ADAP2: variants seen among roughly 807,000 people sequenced by gnomAD.
ADAP2 encodes the protein arf-GAP with dual PH domain-containing protein 2.
ADAP2 carries 42 observed loss-of-function variants against 54.9 expected under a neutral mutation model. The observed-to-expected ratio is 0.77, with a 90% confidence interval of 0.60 to 0.99. The LOEUF (loss-of-function observed/expected upper bound fraction) is 0.99. Ranked by LOEUF, ADAP2 falls within the 50% of genes least tolerant of loss-of-function variation. The pLI, the probability that ADAP2 is intolerant of heterozygous loss-of-function variation, is 0.00. For synonymous variants in ADAP2, 177 were observed against 180.1 expected, an observed-to-expected ratio of 0.98 and a Z score of 0.14; for missense variants, 429 against 480.4, an observed-to-expected ratio of 0.89 and a Z score of 1.00.
At chr17:30,937,137 G>A (rs932225486) in intron 5 of ADAP2, among the ~76,000 whole-genome samples, 1 of 151,812 alleles carries the variant, frequency 6.6e-6, no homozygotes, top group Non-Finnish European at 1.5e-5. Context: ...TCTTGGCCAG[G>A]CTGGTCTTGA....
At chr17:30,935,844 G>A (rs770649919) in intron 5 of ADAP2, among the ~76,000 whole-genome samples, 3 of 152,134 alleles carry the variant, frequency 2.0e-5, no homozygotes, top group Non-Finnish European at 4.4e-5. Context: ...AAGTGTGGAG[G>A]GAGATGAAGT....
intron 5 of ADAP2, among the ~76,000 whole-genome samples, chr17:30,943,469 G>A (rs1912419491): frequency 6.6e-6 from 1 of 152,132 alleles, no homozygotes; most frequent in Admixed American, 6.6e-5. Flanking sequence ...GCAAAAACAT[G>A]GAATCGGCCC....
At chr17:30,950,507 T>C (rs1904550924) in intron 7 of ADAP2, among the ~76,000 whole-genome samples, 3 of 152,210 alleles carry the variant, frequency 2.0e-5, no homozygotes, top group African/African-American at 7.2e-5. Context: ...CCCTTCCGCC[T>C]CTGAGATTCT....
intron 4 of ADAP2, among the ~76,000 whole-genome samples, chr17:30,932,860 GC>G (rs1911598524): frequency 6.6e-6 from 1 of 152,078 alleles, no homozygotes; most frequent in Admixed American, 6.6e-5. Flanking sequence ...GAGCCACCGC[GC>G]CCAGCATCAA....
rs1346871648 is a variant in ADAP2, at chr17:30,956,294, A to G, written c.936A>G (p.Glu312=). The change falls in exon 10 of 11, where the codon GAA becomes GAG. Residue 312 remains glutamate, a synonymous_variant. Transcript: ENST00000330889. ...TTGGGAACAAGGAGCAGGGATATGA[A>G]GCCTACGAAGACCTGCCCAAGGGCA... ...VFLGNKEQGY[E]AYEDLPKGIR... The G allele has an allele frequency of 1.2e-6, 2 of 1,614,088 alleles. No homozygotes were observed. Among genetic ancestry groups the G allele is most frequent in the Admixed American group, 3.3e-5 (2 of 60,006 alleles).
intron 2 of ADAP2, among the ~76,000 whole-genome samples, chr17:30,923,693 CTTT>C (rs1013811428): frequency 1.1e-5 from 1 of 92,406 alleles, no homozygotes; most frequent in Non-Finnish European, 2.0e-5. Flanking sequence ...TTCTTTCTTC[CTTT>C]TTTTTTTTTT....
At chr17:30,940,764 ACT>A (rs777287557) in intron 5 of ADAP2, among the ~76,000 whole-genome samples, 7 of 151,990 alleles carry the variant, frequency 4.6e-5, no homozygotes, top group Non-Finnish European at 7.4e-5. Flanking sequence ...GGGGAGAAGG[ACT>A]CTCTGGTGAA....
intron 4 of ADAP2, 77 bp downstream of exon 4, chr17:30,932,045 G>A: frequency 7.2e-7 from 1 of 1,383,678 alleles, no homozygotes; most frequent in Non-Finnish European, 1.0e-6. Context: ...AATATTAGGA[G>A]CAAGATCCAT....
chr17:30,922,268 C>G (rs1035009190), intron 1 of ADAP2, among the ~76,000 whole-genome samples, 160 bp downstream of exon 1: 1 of 151,010 alleles, frequency 6.6e-6, no homozygotes, highest in African/African-American at 2.4e-5. Context: ...GAACCTCTCA[C>G]CCGAGCCCCG....
chr17:30,926,884 G>A lies in ADAP2; in HGVS notation c.283G>A (p.Ala95Thr). The change falls in exon 3 of 11, where the codon GCT (alanine) becomes ACT (threonine). Residue 95 changes from alanine (A) to threonine (T), a missense_variant. Coordinates refer to ENST00000330889, the MANE Select transcript of ADAP2 (RefSeq NM_018404.3). ...GGCCAAGTTCGAAGCCAGAGTCCCAGCTTTCTACTACATCCCCCAGGCCAA... is the reference window on the plus strand; with the variant it reads ...GGCCAAGTTCGAAGCCAGAGTCCCAACTTTCTACTACATCCCCCAGGCCAA... ...VKAKFEARVP[A>T]FYYIPQANDC... 6.2e-7 allele frequency: 1 copy of A among 1,614,204 alleles called. No homozygotes were observed. The highest frequency in any genetic ancestry group is 8.5e-7 in the Non-Finnish European group (1 of 1,180,040).
chr17:30,926,708 G>A, intron 2 of ADAP2, 119 bp from the exon 3 acceptor site: 1 of 829,944 alleles, frequency 1.2e-6, no homozygotes, highest in African/African-American at 1.7e-5. Flanking sequence ...ACCAAGCCCG[G>A]TGGGACATCT....
chr17:30,947,182 C>T (rs1159109645), intron 6 of ADAP2, among the ~76,000 whole-genome samples: 1 of 152,132 alleles, frequency 6.6e-6, no homozygotes, highest in Non-Finnish European at 1.5e-5. Flanking sequence ...GGGGCTGTGG[C>T]AAACAGGAAA....
intron 3 of ADAP2, among the ~76,000 whole-genome samples, chr17:30,927,154 C>T (rs1167411894): frequency 1.3e-5 from 2 of 152,116 alleles, no homozygotes; most frequent in African/African-American, 4.8e-5. Flanking sequence ...TCAGTTTCCA[C>T]AGCTCTTAAA....
In ADAP2 at chr17:30,954,539, A is replaced by G. The variant is rs766577829; in HGVS notation, c.866A>G (p.Tyr289Cys). Reference sequence around the variant, plus strand: ...GATTGCCATGAGCGGAGGCTGCTCTATTACAAGAACCCACTGGTAAGAGCC... The same window carrying G: ...GATTGCCATGAGCGGAGGCTGCTCTGTTACAAGAACCCACTGGTAAGAGCC... The part of the protein sequence containing the change: ...ALDCHERRLL[Y>C]YKNPLDAFEQ... Residue 289 changes from tyrosine (Y) to cysteine (C), a missense_variant, in exon 9 of 11, where the codon TAT becomes TGT. Coordinates refer to ENST00000330889, the MANE Select transcript of ADAP2 (RefSeq NM_018404.3). 3 of 1,614,090 alleles carry G rather than the reference A, an allele frequency of 1.9e-6. No homozygotes were observed. The highest frequency in any genetic ancestry group is 4.5e-5 in the East Asian group (2 of 44,878).
At chr17:30,956,581 T>C in intron 10 of ADAP2, 112 bp downstream of exon 10, 1 of 994,950 alleles carries the variant, frequency 1.0e-6, no homozygotes, top group South Asian at 1.6e-5. Flanking sequence ...TTCCTGACTA[T>C]GCTCTTTTCA....
At chr17:30,929,452 G>T (rs959488575) in intron 3 of ADAP2, among the ~76,000 whole-genome samples, 4 of 152,138 alleles carry the variant, frequency 2.6e-5, no homozygotes, top group African/African-American at 9.7e-5. Context: ...GCTGTGCTAG[G>T]CTTCCTGCCG....
At chr17:30,953,470 C>A in intron 8 of ADAP2, 120 bp downstream of exon 8, 1 of 1,013,804 alleles carries the variant, frequency 9.9e-7, no homozygotes, top group Non-Finnish European at 1.5e-6. Flanking sequence ...TTGTCCAACC[C>A]ACAGCCCATG....
chr17:30,928,024 GA>G (rs151220505), intron 3 of ADAP2, among the ~76,000 whole-genome samples: 138 of 138,568 alleles, frequency 1.0e-3, no homozygotes, highest in African/African-American at 1.3e-3. Context: ...CCTAGCATTA[GA>G]AAAAAAAAAA....
Position 30,958,722 on chromosome 17 carries a change from T to A in ADAP2, c.*853T>A, listed in dbSNP as rs1033447201. ...CTGGGCAACATAGTGAGACCCCATCTCTACAAAGAAAAAAAAATTAGCTGG... is the reference window on the plus strand; with the variant it reads ...CTGGGCAACATAGTGAGACCCCATCACTACAAAGAAAAAAAAATTAGCTGG... On this transcript the variant is annotated 3_prime_UTR_variant, in exon 11 of 11. Coordinates refer to ENST00000330889, the MANE Select transcript of ADAP2 (RefSeq NM_018404.3). The A allele has an allele frequency of 6.6e-6, 1 of 152,100 alleles. No homozygotes were observed. The highest frequency in any genetic ancestry group is 1.5e-5 in the Non-Finnish European group (1 of 68,094). 9.4% of individuals were successfully genotyped at this position (152,100 alleles called of 1,614,324 possible). A position where few individuals can be genotyped will look rare whatever the true frequency, so the allele number is the denominator to read the frequency against.
Sources: allele counts gnomAD v4.1 joint callset (sites outside exome capture counted in the v4.1 genomes callset), GRCh38; gene constraint gnomAD v4.1.1; transcripts MANE v1.5; gene names NCBI Gene and HGNC (gene_info 2026-07-23, HGNC 2026-07-21).